The following UNC13A variants were observed in gnomAD, a reference collection of about 807,000 sequenced individuals.
The protein encoded by UNC13A is protein unc-13 homolog A.
UNC13A carries 61 observed loss-of-function variants against 219.7 expected under a neutral mutation model. The ratio of observed to expected loss-of-function variants is 0.28; its 90% CI spans 0.23 to 0.34. The LOEUF (loss-of-function observed/expected upper bound fraction) is 0.34. Among genes scored for constraint, UNC13A ranks in the 10% least tolerant of loss-of-function variants. The pLI, the probability that UNC13A is intolerant of heterozygous loss-of-function variation, is 1.00. For missense variants in UNC13A, 1,476 were observed against 2,270.3 expected (o/e 0.65, Z 7.11); for synonymous variants, 920 against 884.6 (o/e 1.04, Z -0.71).
chr19:17,630,208 G>A lies in UNC13A; in HGVS notation c.3606C>T (p.Ile1202=). The stretch of plus-strand genomic sequence containing the variant: ...GGTCGGGACACTCGAGTTTCTTGAT[G>A]ATTTCAAAGCTCTGGTTGAGTTGGG... The part of the protein sequence containing the change: ...VFSQLNQSFE[I]IKKLECPDPQ... Residue 1202 remains isoleucine, a synonymous_variant, in exon 30 of 44, where the codon ATC becomes ATT. Coordinates refer to ENST00000519716, the MANE Select transcript of UNC13A (RefSeq NM_001080421.3). The A allele has an allele frequency of 1.3e-6, 2 of 1,553,174 alleles. No homozygotes were observed. The highest frequency in any genetic ancestry group is 1.7e-6 in the Non-Finnish European group (2 of 1,147,742).
chr19:17,688,261 G>C lies in UNC13A; in HGVS notation c.-62C>G. The C allele has an allele frequency of 5.0e-6, 7 of 1,407,152 alleles. No individual in the cohort carries two copies. Among genetic ancestry groups the C allele is most frequent in the African/African-American group, 1.5e-5 (1 of 65,954 alleles). The allele number at this position is 1,407,152 out of a possible 1,614,324, so 87.2% of individuals were successfully genotyped here. On this transcript the variant is annotated 5_prime_UTR_variant, in exon 1 of 44. Transcript: ENST00000519716. ...CCGGCTCTGTCGGGTCGGGCTCAGC[G>C]GCCGCTGGGCTGGGGCATCTCCCGG...
intron 11 of UNC13A, among the ~76,000 whole-genome samples, chr19:17,653,978 A>C (rs1662496959): frequency 6.6e-6 from 1 of 151,710 alleles, no homozygotes; most frequent in African/African-American, 2.4e-5. Flanking sequence ...AGGCGCCTGC[A>C]ACCACAGCCG....
At chr19:17,635,448 T>C (rs1285863628) in intron 26 of UNC13A, among the ~76,000 whole-genome samples, 2 of 152,182 alleles carry the variant, frequency 1.3e-5, no homozygotes, top group Non-Finnish European at 2.9e-5. Context: ...ACACAGTAGC[T>C]CATTCAGCTA....
chr19:17,679,563 T>C (rs549725305), intron 1 of UNC13A, among the ~76,000 whole-genome samples: 20 of 151,338 alleles, frequency 1.3e-4, no homozygotes, highest in East Asian at 3.9e-4. Flanking sequence ...TGGGGGGTGA[T>C]ACAAGGGGCT....
rs1291488571 is a variant in UNC13A at position 17,688,238 on chromosome 19, G to A, written c.-39C>T. 9 of 1,464,542 alleles carry A rather than the reference G, an allele frequency of 6.1e-6. No homozygotes were observed. Among genetic ancestry groups the A allele is most frequent in the Non-Finnish European group, 7.2e-6 (8 of 1,107,520 alleles). 90.7% of individuals were successfully genotyped at this position (1,464,542 alleles called of 1,614,324 possible). ...CAGGTGGGCCGGAGGCGGCCGGGCC[G>A]GCTCTGTCGGGTCGGGCTCAGCGGC... On this transcript the variant is annotated 5_prime_UTR_variant, in exon 1 of 44. Transcript: ENST00000519716.
intron 1 of UNC13A, among the ~76,000 whole-genome samples, chr19:17,682,115 G>T (rs1030735627): frequency 2.0e-5 from 3 of 151,994 alleles, no homozygotes; most frequent in Admixed American, 6.6e-5. Flanking sequence ...ACCATACCCA[G>T]CTAATTTTTT....
chr19:17,626,386 A>C (rs1425499891), intron 34 of UNC13A: 2 of 464,152 alleles, frequency 4.3e-6, no homozygotes, highest in African/African-American at 2.0e-5. Flanking sequence ...CCACCCACCT[A>C]CCCATCCCTC....
rs2144899633 is a variant in UNC13A at position 17,606,221 on chromosome 19, C to G, written c.4945G>C (p.Ala1649Pro). The change falls in exon 44 of 44, where the codon GCC becomes CCC. Residue 1649 changes from alanine (A) to proline (P), a missense_variant. Ala to Pro is a conservative substitution (Grantham distance 27). Around this residue, in one of 14 missense-constraint regions of UNC13A, gnomAD observed 187 missense variants for 172.3 expected, o/e 1.09. Transcript: ENST00000519716. The part of the protein sequence containing the change: ...QLRELAQRGS[A>P]ACWLPLGRRI... Reference sequence around the variant, plus strand: ...CGGCCGAGCGGCAGCCAGCAGGCGGCGCTCCCGCGCTGGGCCAGCTCACGC... The same window carrying G: ...CGGCCGAGCGGCAGCCAGCAGGCGGGGCTCCCGCGCTGGGCCAGCTCACGC... 6.4e-7 allele frequency: 1 copy of G among 1,552,126 alleles called. No individual in the cohort carries two copies. Among genetic ancestry groups the G allele is most frequent in the Non-Finnish European group, 8.7e-7 (1 of 1,149,308 alleles).
intron 23 of UNC13A, 133 bp downstream of exon 23, chr19:17,639,707 G>T: frequency 8.4e-7 from 1 of 1,188,494 alleles, no homozygotes; most frequent in Non-Finnish European, 1.2e-6. Flanking sequence ...GCCCATGCAG[G>T]TGCACACATG....
At chr19:17,643,439 C>A (rs1441355208) in intron 19 of UNC13A, among the ~76,000 whole-genome samples, 2 of 152,034 alleles carry the variant, frequency 1.3e-5, no homozygotes, top group African/African-American at 4.8e-5. Flanking sequence ...CTTGCCTCAG[C>A]CTCCCGAGTA....
Position 17,605,901 on chromosome 19 carries a change from G to C in UNC13A, c.*153C>G, listed in dbSNP as rs1489342960. ...TCCTCCATTCCTAATTCCCCAAAAG[G>C]GAAAGCTGAGTCAAGGGCGTAGGCG... On this transcript the variant is annotated 3_prime_UTR_variant, in exon 44 of 44. Coordinates refer to ENST00000519716, the MANE Select transcript of UNC13A (RefSeq NM_001080421.3). The C allele has an allele frequency of 1.4e-6, 1 of 716,286 alleles. No homozygotes were observed. Among genetic ancestry groups the C allele is most frequent in the Non-Finnish European group, 2.0e-6 (1 of 492,308 alleles). 44.4% of individuals were successfully genotyped at this position (716,286 alleles called of 1,614,324 possible).
intron 41 of UNC13A, among the ~76,000 whole-genome samples, chr19:17,614,623 GGTCA>G (rs978160688): frequency 3.3e-5 from 5 of 152,024 alleles, no homozygotes; most frequent in Non-Finnish European, 7.4e-5. Context: ...TGGGAGGTTG[GGTCA>G]GTCAAACGCT....
At position 17,658,105 on chromosome 19, in the gene UNC13A, A is replaced by G; in HGVS notation, c.724T>C (p.Ser242Pro). 1 of 1,613,734 alleles carries G rather than the reference A, an allele frequency of 6.2e-7. No individual in the cohort carries two copies. Among genetic ancestry groups the G allele is most frequent in the Non-Finnish European group, 8.5e-7 (1 of 1,179,788 alleles). The change falls in exon 9 of 44, where the codon TCC becomes CCC. Residue 242 changes from serine to proline, a missense_variant. Coordinates refer to ENST00000519716, the MANE Select transcript of UNC13A (RefSeq NM_001080421.3). ...GAGAACTCCTCGTAACTGTGCATGG[A>G]GTCACTGTAGGACTCCCGGGAGCCC... ...PLGSRESYSD[S>P]MHSYEEFSEP... is the part of the protein sequence containing the mutation.
chr19:17,656,267 G>A lies in UNC13A; in HGVS notation c.899C>T (p.Ser300Phe). The change falls in exon 10 of 44, where the codon TCC becomes TTC. Residue 300 changes from serine (S) to phenylalanine (F), a missense_variant. Physicochemically the swap from Ser to Phe is radical, Grantham distance 155. Transcript: ENST00000519716. The part of the protein sequence containing the change: ...SDMEDERDRD[S>F]YHSCHSSVSY... ...GACCGAGCTGTGGCAGGAGTGGTAG[G>A]AGTCCCGGTCCCGCTCATCCTCCAT... 1.3e-6 allele frequency: 2 copies of A among 1,551,838 alleles called. No homozygotes were observed. The highest frequency in any genetic ancestry group is 1.7e-6 in the Non-Finnish European group (2 of 1,147,156).
chr19:17,666,060 TC>T (rs1198438002), intron 7 of UNC13A, among the ~76,000 whole-genome samples: 6 of 81,936 alleles, frequency 7.3e-5, no homozygotes, highest in East Asian at 2.5e-4. Context: ...TCAGAACTCT[TC>T]TCTTTCCTTT....
chr19:17,669,417 T>C, intron 5 of UNC13A, 136 bp downstream of exon 5: 1 of 1,283,382 alleles, frequency 7.8e-7, no homozygotes, highest in Non-Finnish European at 1.0e-6. Flanking sequence ...CTCTCTCTCC[T>C]CCGGGGCGAA....
chr19:17,620,555 A>G, intron 38 of UNC13A, 138 bp downstream of exon 38: 1 of 684,454 alleles, frequency 1.5e-6, no homozygotes, highest in African/African-American at 1.8e-5. Context: ...AGCCAGACAG[A>G]CAAAGGAAGA....
At chr19:17,631,179 T>TTCCCTCCCTCCCTCCC (rs1491429670) in intron 28 of UNC13A, among the ~76,000 whole-genome samples, 1 of 6,856 alleles carries the variant, frequency 1.5e-4, no homozygotes, top group African/African-American at 6.4e-4. Flanking sequence ...CCCTCCCTCC[T>TTCCCTCCCTCCCTCCC]TTCCTTCCTT....
intron 41 of UNC13A, chr19:17,616,284 G>C (rs905187436): frequency 2.4e-5 from 14 of 582,208 alleles, no homozygotes; most frequent in Non-Finnish European, 4.3e-5. Context: ...AAGCCGCTCA[G>C]GCCTGGGCGG....
Sources: allele counts gnomAD v4.1 joint callset (sites outside exome capture counted in the v4.1 genomes callset), GRCh38; gene constraint gnomAD v4.1.1; regional missense constraint gnomAD v4.1.1; transcripts MANE v1.5; gene names NCBI Gene and HGNC (gene_info 2026-07-23, HGNC 2026-07-21).